The following CLNK variants were observed in gnomAD, a reference collection of about 807,000 sequenced individuals.
The protein encoded by CLNK is cytokine dependent hematopoietic cell linker.
CLNK carries 74 observed loss-of-function variants against 68.6 expected under a neutral mutation model. The ratio of observed to expected loss-of-function variants is 1.08; its 90% CI spans 0.89 to 1.31. The LOEUF is 1.31. CLNK is among the 50% of genes most tolerant of loss of function. The pLI, the probability that CLNK is intolerant of heterozygous loss-of-function variation, is 0.00. For synonymous variants in CLNK, 198 were observed against 172.2 expected, an observed-to-expected ratio of 1.15 and a Z score of -1.17; for missense variants, 553 against 515.3, an observed-to-expected ratio of 1.07 and a Z score of -0.71.
the CLNK span, among the ~76,000 whole-genome samples, chr4:10,729,888 G>A: frequency 6.6e-6 from 1 of 152,198 alleles, no homozygotes; most frequent in African/African-American, 2.4e-5. Flanking sequence ...AAAGATGCAT[G>A]TTGGAAATTT....
At chr4:10,688,207 AGTTGTGG>A (rs1392005265), upstream of CLNK, among the ~76,000 whole-genome samples, 1 of 152,160 alleles carries the variant, frequency 6.6e-6, no homozygotes, top group Non-Finnish European at 1.5e-5. Flanking sequence ...AGAAATATTG[AGTTGTGG>A]GTAAGTGATT....
intron 2 of CLNK, among the ~76,000 whole-genome samples, chr4:10,632,847 T>C (rs535654505): frequency 4.8e-4 from 73 of 152,366 alleles, no homozygotes; most frequent in African/African-American, 1.7e-3. Flanking sequence ...CTAAATACTA[T>C]TTAAAAATAC....
chr4:10,566,269 A>T, intron 5 of CLNK, 119 bp from the exon 6 acceptor site: 1 of 955,720 alleles, frequency 1.0e-6, no homozygotes, highest in Non-Finnish European at 1.6e-6. Context: ...AATATTTAAG[A>T]ATCTAGGGTC....
intron 18 of CLNK, among the ~76,000 whole-genome samples, chr4:10,491,158 G>A (rs1716555114): frequency 6.6e-6 from 1 of 152,218 alleles, no homozygotes; most frequent in African/African-American, 2.4e-5. Flanking sequence ...AACCAAAAGT[G>A]AGCCCTATGG....
the CLNK span, among the ~76,000 whole-genome samples, chr4:10,716,936 C>T: frequency 5.9e-5 from 9 of 151,852 alleles, no homozygotes; most frequent in South Asian, 2.1e-4. Context: ...TCAGGCAATC[C>T]GCCTGTCTCA....
chr4:10,518,334 AAC>A (rs1396677190), intron 15 of CLNK, among the ~76,000 whole-genome samples: 1 of 152,242 alleles, frequency 6.6e-6, no homozygotes. Context: ...TTGCTAGAGA[AAC>A]ACAGTTCTAG....
chr4:10,537,027 C>T (rs1718785806), intron 11 of CLNK, among the ~76,000 whole-genome samples: 1 of 152,180 alleles, frequency 6.6e-6, no homozygotes, highest in South Asian at 2.1e-4. Context: ...GGGTTCTTAG[C>T]CCTGTCTGCA....
intron 16 of CLNK, among the ~76,000 whole-genome samples, chr4:10,509,541 T>G (rs1414687977): frequency 7.3e-6 from 1 of 137,482 alleles, no homozygotes; most frequent in Admixed American, 7.3e-5. Flanking sequence ...TTTTTTTTTT[T>G]GAGATGGAAT....
At chr4:10,713,032 T>A in the CLNK span, among the ~76,000 whole-genome samples, 1 of 152,038 alleles carries the variant, frequency 6.6e-6, no homozygotes, top group East Asian at 1.9e-4. Context: ...CTCTGAGATC[T>A]TGGGGAGGCA....
intron 4 of CLNK, among the ~76,000 whole-genome samples, chr4:10,579,764 CAT>C (rs1720706806): frequency 6.6e-6 from 1 of 152,182 alleles, no homozygotes; most frequent in African/African-American, 2.4e-5. Flanking sequence ...CTTGTCCCCA[CAT>C]GTGCCTGGCA....
chr4:10,510,183 TAGC>T (rs1403973090), intron 16 of CLNK, among the ~76,000 whole-genome samples: 1 of 152,184 alleles, frequency 6.6e-6, no homozygotes, highest in East Asian at 1.9e-4. Context: ...CTGGTGAGTG[TAGC>T]TGGTGCTCAG....
intron 2 of CLNK, among the ~76,000 whole-genome samples, chr4:10,633,586 C>G (rs1403581603): frequency 6.6e-6 from 1 of 152,224 alleles, no homozygotes; most frequent in Non-Finnish European, 1.5e-5. Context: ...CCAGGAACAT[C>G]TGAGCCTAGA....
chr4:10,620,373 G>A (rs1722389770), intron 2 of CLNK, among the ~76,000 whole-genome samples: 1 of 152,122 alleles, frequency 6.6e-6, no homozygotes, highest in Non-Finnish European at 1.5e-5. Flanking sequence ...CAACACCAAT[G>A]CCAGAAACCC....
the CLNK span, among the ~76,000 whole-genome samples, chr4:10,723,916 G>GAT: frequency 7.1e-6 from 1 of 141,490 alleles, no homozygotes; most frequent in East Asian, 2.0e-4. Flanking sequence ...GAGAGAGAGA[G>GAT]AGAAGGCAGG....
At chr4:10,641,230 G>T (rs540800813) in intron 2 of CLNK, among the ~76,000 whole-genome samples, 3 of 152,190 alleles carry the variant, frequency 2.0e-5, no homozygotes, top group African/African-American at 7.2e-5. Flanking sequence ...GGTTTCACAG[G>T]CCTCCTGGGG....
At chr4:10,675,816 G>A (rs150816154) in intron 1 of CLNK, among the ~76,000 whole-genome samples, 1 of 152,282 alleles carries the variant, frequency 6.6e-6, no homozygotes, top group Admixed American at 6.5e-5. Flanking sequence ...CGAGAAGGTA[G>A]GAGGTAGTTG....
At chr4:10,722,326 A>G in the CLNK span, among the ~76,000 whole-genome samples, 1 of 152,122 alleles carries the variant, frequency 6.6e-6, no homozygotes, top group Non-Finnish European at 1.5e-5. Flanking sequence ...AAGCTCCTAA[A>G]TATGAAACAC....
At chr4:10,511,652 A>G (rs1456736274) in intron 16 of CLNK, among the ~76,000 whole-genome samples, 1 of 152,188 alleles carries the variant, frequency 6.6e-6, no homozygotes, top group Non-Finnish European at 1.5e-5. Flanking sequence ...CACTCAGCAT[A>G]ATGTTTTCAA....
chr4:10,607,834 G>T (rs528986430), intron 2 of CLNK, among the ~76,000 whole-genome samples: 1 of 152,298 alleles, frequency 6.6e-6, no homozygotes, highest in African/African-American at 2.4e-5. Flanking sequence ...TCAACTCATT[G>T]TGTCACTGAA....
Sources: gnomAD v4.1 joint callset for allele counts (sites outside exome capture counted in the v4.1 genomes callset) on GRCh38, gnomAD v4.1.1 for gene constraint, MANE v1.5 for transcripts, NCBI Gene and HGNC (gene_info 2026-07-23, HGNC 2026-07-21) for gene names.